The following TJP1 variants were observed in gnomAD, a reference collection of about 807,000 sequenced individuals.
TJP1 encodes the protein tight junction protein ZO-1.
Under a neutral mutation model 194.2 loss-of-function variants are expected in TJP1, and 43 were observed. The ratio of observed to expected loss-of-function variants is 0.22; its 90% CI spans 0.17 to 0.29. The LOEUF (loss-of-function observed/expected upper bound fraction) is 0.29. Among genes scored for constraint, TJP1 ranks in the 10% least tolerant of loss-of-function variants. TJP1 has a pLI of 1.00. For missense variants in TJP1, 1,971 were observed against 2,185.7 expected (o/e 0.90, Z 1.96); for synonymous variants, 801 against 779.0 (o/e 1.03, Z -0.47).
At chr15:29,816,739 T>A (rs1213046395) in intron 1 of TJP1, among the ~76,000 whole-genome samples, 1 of 152,220 alleles carries the variant, frequency 6.6e-6, no homozygotes, top group Non-Finnish European at 1.5e-5. Flanking sequence ...AGCTTGGCCA[T>A]TTTCTGCAGC....
intron 4 of TJP1, among the ~76,000 whole-genome samples, chr15:29,767,001 C>T (rs533409594): frequency 6.6e-6 from 1 of 152,170 alleles, no homozygotes; most frequent in Non-Finnish European, 1.5e-5. Context: ...TTGCCCCAGA[C>T]CTCTAAGAGA....
At chr15:29,933,704 T>G (rs1465707325) in intron 2 of TJP1, among the ~76,000 whole-genome samples, 1 of 152,166 alleles carries the variant, frequency 6.6e-6, no homozygotes, top group Non-Finnish European at 1.5e-5. Context: ...ATTAGAGATC[T>G]GTTATCTGTC....
chr15:29,784,698 A>T (rs2047587269), intron 2 of TJP1, among the ~76,000 whole-genome samples: 1 of 152,178 alleles, frequency 6.6e-6, no homozygotes, highest in African/African-American at 2.4e-5. Flanking sequence ...TGTCTTTATG[A>T]TCTCATCCTA....
At chr15:29,814,541 T>G (rs544216743) in intron 1 of TJP1, among the ~76,000 whole-genome samples, 4 of 152,094 alleles carry the variant, frequency 2.6e-5, no homozygotes, top group African/African-American at 9.7e-5. Context: ...TGTTGTACAA[T>G]CTCCAAGATA....
At chr15:29,727,376 C>T (rs539034371) in intron 16 of TJP1, among the ~76,000 whole-genome samples, 1 of 152,230 alleles carries the variant, frequency 6.6e-6, no homozygotes, top group South Asian at 2.1e-4. Flanking sequence ...CAAAACAAAA[C>T]AAAACACCCC....
rs1365716461 is a variant in TJP1 at position 29,766,330 on chromosome 15, T to C, written c.525A>G (p.Ser175=). The C allele has an allele frequency of 4.3e-6, 7 of 1,614,140 alleles. No homozygotes were observed. In the South Asian group the frequency reaches 4.4e-5, roughly 10 times the overall value. ...RSLSPRSDRR[S]VASSQPAKPT... ...GTTTAGCAGGCTGGCTGGAAGCCAC[T>C]GACCGCCTGTCTGACCGCGGGGACA... The change falls in exon 5 of 28, where the codon TCA becomes TCG. Residue 175 remains serine (S), a synonymous_variant. Transcript: ENST00000614355.
intron 1 of TJP1, chr15:29,956,480 G>T: frequency 1.0e-6 from 1 of 986,036 alleles, no homozygotes; most frequent in African/African-American, 1.7e-5. Flanking sequence ...CCTTTTTCCA[G>T]CCAAAAAGCT....
rs539566832 is a variant in TJP1 at position 29,752,501 on chromosome 15, A to T, written c.1010+8638T>A. Among the ~76,000 whole-genome samples, 4 of 152,312 alleles carry T rather than the reference A, an allele frequency of 2.6e-5. No individual in the cohort carries two copies. In the South Asian group the frequency reaches 8.3e-4, roughly 32 times the overall value. ...CTCTTAAGGGTTAAAATCTAACAGC[A>T]ATCACTGAATACCCCATGACTATAC... On this transcript the variant is annotated intron_variant, in intron 8 of 27. Coordinates refer to ENST00000614355, the MANE Select transcript of TJP1 (RefSeq NM_001330239.4).
intron 8 of TJP1, among the ~76,000 whole-genome samples, chr15:29,747,050 CGAGGTCGGTGGATCACCT>C (rs979819961): frequency 3.2e-4 from 49 of 152,070 alleles, no homozygotes; most frequent in African/African-American, 1.1e-3. Context: ...TTTGGGAGGC[CGAGGTCGGTGGATCACCT>C]GAGGTCAGGA....
chr15:29,911,227 C>T (rs767430319), intron 2 of TJP1, among the ~76,000 whole-genome samples: 1 of 152,172 alleles, frequency 6.6e-6, no homozygotes, highest in African/African-American at 2.4e-5. Flanking sequence ...TACAGCACAC[C>T]AGATCTGCTC....
chr15:29,863,642 G>A (rs893134962), intron 2 of TJP1, among the ~76,000 whole-genome samples: 20 of 152,052 alleles, frequency 1.3e-4, no homozygotes, highest in East Asian at 5.8e-4. Flanking sequence ...TGCAACCTAC[G>A]CCTAAACTAA....
At chr15:29,753,426 G>A (rs1409616891) in intron 8 of TJP1, among the ~76,000 whole-genome samples, 1 of 142,764 alleles carries the variant, frequency 7.0e-6, no homozygotes, top group Non-Finnish European at 1.5e-5. Context: ...GGAGCTCGCA[G>A]TGAGCCGAGA....
At chr15:29,834,323 G>A (rs2050953000) in intron 2 of TJP1, among the ~76,000 whole-genome samples, 2 of 151,430 alleles carry the variant, frequency 1.3e-5, no homozygotes, top group Non-Finnish European at 2.9e-5. Flanking sequence ...CCAGGTTCAA[G>A]CAATTCTCTG....
intron 15 of TJP1, among the ~76,000 whole-genome samples, chr15:29,730,457 C>T (rs566554926): frequency 1.3e-5 from 2 of 151,872 alleles, no homozygotes; most frequent in African/African-American, 2.4e-5. Flanking sequence ...ACTAGCCAGG[C>T]GTGTTGGCAT....
At chr15:29,750,239 A>G (rs2337168) in intron 8 of TJP1, among the ~76,000 whole-genome samples, 150,600 of 152,212 alleles carry the variant, frequency 0.99, 74,525 homozygotes, top group Middle Eastern at 1. Flanking sequence ...ATCTGCCCTC[A>G]TGATCAGCCC....
At chr15:29,753,561 G>A (rs1429138338) in intron 8 of TJP1, among the ~76,000 whole-genome samples, 1 of 147,756 alleles carries the variant, frequency 6.8e-6, no homozygotes, top group Non-Finnish European at 1.5e-5. Context: ...TGTGACATTA[G>A]TAAGTATTTG....
At chr15:29,846,829 G>A (rs561140688) in intron 2 of TJP1, among the ~76,000 whole-genome samples, 32 of 152,092 alleles carry the variant, frequency 2.1e-4, no homozygotes, top group African/African-American at 7.0e-4. Flanking sequence ...AGGAGGCTGC[G>A]GCAGGAGAAT....
At chr15:29,871,611 C>T (rs1056762444) in intron 2 of TJP1, among the ~76,000 whole-genome samples, 1 of 152,228 alleles carries the variant, frequency 6.6e-6, no homozygotes, top group African/African-American at 2.4e-5. Flanking sequence ...AGGAGACGGC[C>T]CCAGCTGGCC....
At chr15:29,848,537 A>G (rs2051508090) in intron 2 of TJP1, among the ~76,000 whole-genome samples, 1 of 152,216 alleles carries the variant, frequency 6.6e-6, no homozygotes, top group Non-Finnish European at 1.5e-5. Context: ...CTAGAGACAA[A>G]TTTAAAAATA....
Sources: allele counts gnomAD v4.1 joint callset (sites outside exome capture counted in the v4.1 genomes callset), GRCh38; gene constraint gnomAD v4.1.1; transcripts MANE v1.5; gene names NCBI Gene and HGNC (gene_info 2026-07-23, HGNC 2026-07-21).